Variants in TRPC4 observed in about 807,000 individuals in gnomAD.
TRPC4 encodes short transient receptor potential channel 4.
TRPC4 carries 49 observed loss-of-function variants against 99.4 expected under a neutral mutation model. The ratio of observed to expected loss-of-function variants is 0.49; its 90% CI spans 0.39 to 0.63. TRPC4 has a LOEUF of 0.63. TRPC4 is among the 20% of genes least tolerant of loss of function. The pLI, the probability that TRPC4 is intolerant of heterozygous loss-of-function variation, is 0.00. For synonymous variants in TRPC4, 454 were observed against 425.9 expected, an observed-to-expected ratio of 1.07 and a Z score of -0.81; for missense variants, 898 against 1,152.9, an observed-to-expected ratio of 0.78 and a Z score of 3.20.
intron 4 of TRPC4, among the ~76,000 whole-genome samples, chr13:37,688,842 A>G (rs1016565690): frequency 9.2e-5 from 14 of 152,168 alleles, no homozygotes; most frequent in African/African-American, 3.4e-4. Flanking sequence ...CACACTTATA[A>G]GCCACATCAT....
chr13:37,650,604 T>TATACACACACACACACACA (rs1263454496), intron 8 of TRPC4, among the ~76,000 whole-genome samples: 1 of 59,272 alleles, frequency 1.7e-5, no homozygotes, highest in African/African-American at 5.6e-5. Context: ...TCTCTCTCTC[T>TATACACACACACACACACA]CTCTCTATAC....
intron 3 of TRPC4, among the ~76,000 whole-genome samples, chr13:37,716,006 A>G (rs1954650540): frequency 6.6e-6 from 1 of 152,184 alleles, no homozygotes; most frequent in African/African-American, 2.4e-5. Flanking sequence ...GGCATTTTGC[A>G]TGTCCTTTTT....
intron 1 of TRPC4, among the ~76,000 whole-genome samples, chr13:37,809,982 C>T (rs1315878642): frequency 6.8e-6 from 1 of 146,174 alleles, no homozygotes; most frequent in Non-Finnish European, 1.5e-5. Context: ...TAATTAACAA[C>T]TTTTGGAATT....
chr13:37,820,370 G>T (rs1396005939), intron 1 of TRPC4, among the ~76,000 whole-genome samples: 1 of 151,952 alleles, frequency 6.6e-6, no homozygotes, highest in Non-Finnish European at 1.5e-5. Context: ...GAGATATAAA[G>T]AAATAGTACC....
intron 2 of TRPC4, among the ~76,000 whole-genome samples, chr13:37,776,593 A>G (rs1467666792): frequency 6.6e-6 from 1 of 151,924 alleles, no homozygotes; most frequent in Non-Finnish European, 1.5e-5. Context: ...AATAGAAAGG[A>G]GTAATTTCAA....
At chr13:37,674,142 A>G (rs763490834) in intron 5 of TRPC4, 86 bp downstream of exon 5, 2 of 1,282,376 alleles carry the variant, frequency 1.6e-6, no homozygotes, top group Admixed American at 3.5e-5. Context: ...GCTCTAGGTA[A>G]CTTTATTAAT....
At chr13:37,849,852 G>A (rs558287240) in intron 1 of TRPC4, among the ~76,000 whole-genome samples, 7 of 152,074 alleles carry the variant, frequency 4.6e-5, no homozygotes, top group Non-Finnish European at 8.8e-5. Flanking sequence ...GCATCATCTG[G>A]CACAGATTAA....
At chr13:37,832,534 G>T (rs574335061) in intron 1 of TRPC4, among the ~76,000 whole-genome samples, 1 of 151,894 alleles carries the variant, frequency 6.6e-6, no homozygotes, top group Non-Finnish European at 1.5e-5. Context: ...GCAAGACTCC[G>T]TCAAAAACAA....
intron 2 of TRPC4, among the ~76,000 whole-genome samples, chr13:37,774,955 T>C (rs192958828): frequency 2.3e-3 from 170 of 75,532 alleles, no homozygotes; most frequent in African/African-American, 6.9e-3. Context: ...AAATGATTAA[T>C]ATTTCAGTAT....
intron 10 of TRPC4, among the ~76,000 whole-genome samples, chr13:37,638,214 C>T (rs928194727): frequency 1.2e-5 from 1 of 85,122 alleles, no homozygotes; most frequent in Non-Finnish European, 2.3e-5. Flanking sequence ...TCACTCTTAC[C>T]CTGATGGCAA....
intron 1 of TRPC4, among the ~76,000 whole-genome samples, chr13:37,849,856 A>T (rs1959010425): frequency 6.6e-6 from 1 of 152,214 alleles, no homozygotes; most frequent in Admixed American, 6.5e-5. Context: ...CATCTGGCAC[A>T]GATTAAAATT....
intron 3 of TRPC4, among the ~76,000 whole-genome samples, chr13:37,740,225 G>C (rs1209860813): frequency 6.6e-6 from 1 of 152,102 alleles, no homozygotes; most frequent in African/African-American, 2.4e-5. Flanking sequence ...AATATGTAGA[G>C]AGAGATGTTA....
chr13:37,692,900 T>C (rs1284523654), intron 3 of TRPC4, among the ~76,000 whole-genome samples: 1 of 152,158 alleles, frequency 6.6e-6, no homozygotes, highest in Non-Finnish European at 1.5e-5. Context: ...GAAAAACAGA[T>C]GAAAGAAAGT....
intron 1 of TRPC4, among the ~76,000 whole-genome samples, chr13:37,806,117 C>A (rs1290809643): frequency 6.6e-6 from 1 of 151,864 alleles, no homozygotes; most frequent in African/African-American, 2.4e-5. Flanking sequence ...CAGCTACAAA[C>A]CCAAGGGACA....
chr13:37,700,675 C>T (rs1954077059), intron 3 of TRPC4, among the ~76,000 whole-genome samples: 1 of 152,088 alleles, frequency 6.6e-6, no homozygotes. Context: ...ATAGGAAACT[C>T]ATTTCATAGC....
At chr13:37,763,320 A>T (rs1805832800) in intron 2 of TRPC4, among the ~76,000 whole-genome samples, 1 of 151,610 alleles carries the variant, frequency 6.6e-6, no homozygotes, top group Admixed American at 6.6e-5. Context: ...GCATATATTG[A>T]GGCAGGTTGG....
chr13:37,643,336 T>C (rs1430576479), intron 8 of TRPC4, among the ~76,000 whole-genome samples: 1 of 152,114 alleles, frequency 6.6e-6, no homozygotes, highest in African/African-American at 2.4e-5. Context: ...TGGCTGATAG[T>C]CCAAAAGGTG....
At chr13:37,677,939 C>T (rs1953114251) in intron 4 of TRPC4, among the ~76,000 whole-genome samples, 1 of 152,062 alleles carries the variant, frequency 6.6e-6, no homozygotes, top group African/African-American at 2.4e-5. Flanking sequence ...TCTATGACTA[C>T]AACACAAATA....
At chr13:37,708,739 A>T (rs1954374279) in intron 3 of TRPC4, among the ~76,000 whole-genome samples, 2 of 149,046 alleles carry the variant, frequency 1.3e-5, no homozygotes, top group African/African-American at 4.9e-5. Context: ...ATATGTATAT[A>T]TATAATTTAA....
Sources: gnomAD v4.1 joint callset for allele counts (sites outside exome capture counted in the v4.1 genomes callset) on GRCh38, gnomAD v4.1.1 for gene constraint, MANE v1.5 for transcripts, NCBI Gene and HGNC (gene_info 2026-07-23, HGNC 2026-07-21) for gene names.